The following VAV1 variants were observed in gnomAD, a reference collection of about 807,000 sequenced individuals.
VAV1 encodes vav guanine nucleotide exchange factor 1.
Under a neutral mutation model 128.1 loss-of-function variants are expected in VAV1, and 33 were observed. The observed-to-expected ratio is 0.26, with a 90% CI of 0.20 to 0.34. The LOEUF is 0.34. VAV1 is among the 10% of genes least tolerant of loss of function. The probability of loss-of-function intolerance (pLI) is 1.00; values close to 1 mark genes in which losing one functional copy is unlikely to be tolerated. For missense variants in VAV1, 715 were observed against 1,093.7 expected (o/e 0.65, Z 4.88); for synonymous variants, 394 against 409.8 (o/e 0.96, Z 0.47).
intron 1 of VAV1, among the ~76,000 whole-genome samples, chr19:6,778,915 C>T (rs1970701652): frequency 6.6e-6 from 1 of 150,574 alleles, no homozygotes; most frequent in African/African-American, 2.5e-5. Flanking sequence ...TTTGCTCTGT[C>T]AGCCAGGCTG....
At position 6,825,095 on chromosome 19, in the gene VAV1, A is replaced by G. The variant is rs1228093524; in HGVS notation, c.697A>G (p.Ile233Val). The change falls in exon 7 of 27, where the codon ATT becomes GTT. Residue 233 changes from isoleucine (I) to valine (V), a missense_variant. Transcript: ENST00000602142. ...GCAACGGTTCCTGAAACCTCAAGAC[A>G]TTGAGATCATCTTTATCAACATTGA... Reference protein sequence around the residue: ...PLQRFLKPQDIEIIFINIEDL... With the variant: ...PLQRFLKPQDVEIIFINIEDL... 1.9e-6 allele frequency: 3 copies of G among 1,613,112 alleles called. No homozygotes were observed. The South Asian group carries it at 3.3e-5, about 18-fold the overall frequency.
chr19:6,833,123 C>T (rs1972127044), intron 15 of VAV1, 61 bp from the exon 16 acceptor site: 4 of 1,407,176 alleles, frequency 2.8e-6, no homozygotes, highest in Non-Finnish European at 2.9e-6. Flanking sequence ...TAGTATTCAG[C>T]CATAAAAAGG....
At position 6,833,725 on chromosome 19, in the gene VAV1, A is replaced by C. The variant is rs771115216; in HGVS notation, c.1723A>C (p.Met575Leu). Residue 575 changes from methionine to leucine, a missense_variant, in exon 18 of 27, where the codon ATG (methionine) becomes CTG (leucine). Physicochemically the swap from Met to Leu is conservative, Grantham distance 15. Coordinates refer to ENST00000602142, the MANE Select transcript of VAV1 (RefSeq NM_005428.4). ...CCCTCCCGTAGATTTCCCAGGAACTATGAAGAAGGTAAGACTTTCCCGTGG... is the reference window on the plus strand; with the variant it reads ...CCCTCCCGTAGATTTCCCAGGAACTCTGAAGAAGGTAAGACTTTCCCGTGG... ...GRHGQDFPGT[M>L]KKDKLHRRAQ... 1 of 1,614,150 alleles carries C rather than the reference A, an allele frequency of 6.2e-7. No individual in the cohort carries two copies.
intron 1 of VAV1, among the ~76,000 whole-genome samples, chr19:6,810,298 T>TA (rs1971488299): frequency 6.6e-6 from 1 of 151,788 alleles, no homozygotes; most frequent in Non-Finnish European, 1.5e-5. Flanking sequence ...CTACTGCACT[T>TA]CAGCCTGGGC....
intron 1 of VAV1, among the ~76,000 whole-genome samples, chr19:6,807,989 CAAAAAAAAA>C (rs980612666): frequency 1.9e-5 from 1 of 52,292 alleles, no homozygotes; most frequent in African/African-American, 6.8e-5. Flanking sequence ...GACTCTGTCT[CAAAAAAAAA>C]AAAAAAAAAA....
At chr19:6,837,538 C>G (rs894767228) in intron 21 of VAV1, among the ~76,000 whole-genome samples, 4 of 152,038 alleles carry the variant, frequency 2.6e-5, no homozygotes, top group Non-Finnish European at 2.9e-5. Context: ...TCAGACACCC[C>G]CTACCTCATT....
intron 14 of VAV1, among the ~76,000 whole-genome samples, chr19:6,830,344 C>A (rs1215423999): frequency 6.6e-6 from 1 of 151,496 alleles, no homozygotes; most frequent in Non-Finnish European, 1.5e-5. Flanking sequence ...AGCGTGAGCC[C>A]ACTCAACAGT....
intron 1 of VAV1, among the ~76,000 whole-genome samples, chr19:6,786,121 A>C (rs79443873): frequency 0.046 from 7,014 of 152,200 alleles, 267 homozygotes; most frequent in African/African-American, 0.1. Flanking sequence ...CCTGTTTTCC[A>C]CACTCAAATG....
At chr19:6,843,324 GGACA>G (rs1281733715) in intron 22 of VAV1, among the ~76,000 whole-genome samples, 158 bp downstream of exon 22, 1 of 152,098 alleles carries the variant, frequency 6.6e-6, no homozygotes, top group Non-Finnish European at 1.5e-5. Flanking sequence ...GCTGGGGATG[GGACA>G]GACAAAGGAG....
intron 26 of VAV1, among the ~76,000 whole-genome samples, chr19:6,855,899 T>C (rs1972788082): frequency 6.6e-6 from 1 of 152,186 alleles, no homozygotes; most frequent in South Asian, 2.1e-4. Flanking sequence ...CAATAATCCA[T>C]CCATTCATCT....
chr19:6,814,905 AG>A (rs1971612587), intron 1 of VAV1, among the ~76,000 whole-genome samples: 1 of 151,682 alleles, frequency 6.6e-6, no homozygotes, highest in African/African-American at 2.4e-5. Flanking sequence ...CTTCTTTATC[AG>A]GTTACAGAAG....
chr19:6,776,596 TCATCCATCCATC>T (rs746307916), intron 1 of VAV1, among the ~76,000 whole-genome samples: 295 of 126,566 alleles, frequency 2.3e-3, no homozygotes, highest in Non-Finnish European at 3.8e-3. Context: ...GTCCATCCAC[TCATCCATCCATC>T]CATCCATCCA....
At chr19:6,824,955 C>T (rs1971880918) in intron 6 of VAV1, 98 bp from the exon 7 acceptor site, 1 of 1,298,800 alleles carries the variant, frequency 7.7e-7, no homozygotes, top group African/African-American at 1.5e-5. Context: ...CGCTGCCTCT[C>T]TTTATCTCCC....
chr19:6,776,544 CCATCCATCCATT>C (rs1337881861), intron 1 of VAV1, among the ~76,000 whole-genome samples: 4 of 150,172 alleles, frequency 2.7e-5, no homozygotes, highest in African/African-American at 9.8e-5. Flanking sequence ...ATCCATCCAT[CCATCCATCCATT>C]CAACCACCCA....
At chr19:6,832,626 TTCC>T (rs1349933265) in intron 15 of VAV1, among the ~76,000 whole-genome samples, 2 of 94,534 alleles carry the variant, frequency 2.1e-5, no homozygotes, top group Non-Finnish European at 2.2e-5. Flanking sequence ...CCACCTCTTC[TTCC>T]TCCTCCTCCC....
chr19:6,802,355 A>G (rs1359569041), intron 1 of VAV1, among the ~76,000 whole-genome samples: 1 of 152,108 alleles, frequency 6.6e-6, no homozygotes, highest in Non-Finnish European at 1.5e-5. Flanking sequence ...ATAAAATTAA[A>G]AAAAATAAAG....
At chr19:6,812,304 C>A (rs1971530472) in intron 1 of VAV1, among the ~76,000 whole-genome samples, 1 of 152,152 alleles carries the variant, frequency 6.6e-6, no homozygotes, top group African/African-American at 2.4e-5. Context: ...CTTTGGGTTT[C>A]TCTCTCTGAG....
In VAV1 at chr19:6,821,866, G is replaced by A. The variant is rs369796904; in HGVS notation, c.449+7G>A. The A allele has an allele frequency of 6.2e-7, 1 of 1,614,004 alleles. No homozygotes were observed. Among genetic ancestry groups the A allele is most frequent in the Non-Finnish European group, 8.5e-7 (1 of 1,179,970 alleles). ...GCCTGTCCGACCAGATCGAGTGAGT[G>A]CTCAGGCCTGTGGCCGCACAGCTCA... On this transcript the variant is annotated splice_region_variant and intron_variant, in intron 4 of 26. Transcript: ENST00000602142.
chr19:6,827,592 G>A (rs2144780929), intron 9 of VAV1, among the ~76,000 whole-genome samples: 1 of 151,914 alleles, frequency 6.6e-6, no homozygotes, highest in East Asian at 1.9e-4. Context: ...TTGCTTTTTT[G>A]TTTGTTTGTT....
Sources: gnomAD v4.1 joint callset for allele counts (sites outside exome capture counted in the v4.1 genomes callset) on GRCh38, gnomAD v4.1.1 for gene constraint, MANE v1.5 for transcripts, NCBI Gene and HGNC (gene_info 2026-07-23, HGNC 2026-07-21) for gene names.